The following WNT7B variants were observed in gnomAD, a reference collection of about 807,000 sequenced individuals.
WNT7B encodes the protein Wnt family member 7B.
Under a neutral mutation model 38.2 loss-of-function variants are expected in WNT7B, and 19 were observed. That is an observed-to-expected ratio of 0.50 (90% CI 0.35 to 0.73). WNT7B has a LOEUF of 0.73. Ranked by LOEUF, WNT7B falls within the 30% of genes least tolerant of loss-of-function variation. The pLI is 0.01. For synonymous variants in WNT7B, 243 were observed against 209.3 expected (o/e 1.16, Z -1.39); for missense variants, 423 against 507.9 (o/e 0.83, Z 1.61).
chr22:45,947,611 G>A (rs1931827769), intron 2 of WNT7B, among the ~76,000 whole-genome samples: 1 of 152,184 alleles, frequency 6.6e-6, no homozygotes, highest in Non-Finnish European at 1.5e-5. Flanking sequence ...GCACCTGGAG[G>A]AGCTGCCACT....
intron 1 of WNT7B, among the ~76,000 whole-genome samples, chr22:45,953,046 A>G (rs1931970841): frequency 6.6e-6 from 1 of 152,162 alleles, no homozygotes; most frequent in African/African-American, 2.4e-5. Context: ...CAAGCTCCTG[A>G]TTCCCTGGCA....
In WNT7B at chr22:45,931,175, G is replaced by T. The variant is rs770389705; in HGVS notation, c.493C>A (p.Arg165Ser). The change falls in exon 3 of 4, where the codon CGC (arginine) becomes AGC (serine). Residue 165 changes from arginine to serine, a missense_variant. By Grantham distance (110) the Arg-to-Ser change is moderately radical. Around this residue, in one of 3 missense-constraint regions of WNT7B, gnomAD observed 132 missense variants for 113.4 expected, o/e 1.16. Transcript: ENST00000339464. ...TTGATCTCCCGAGCGTCCACGAAGC[G>T]CCGGGAGAAGTCGATGCCGTAACGC... ...DVRYGIDFSR[R>S]FVDAREIKKN... The T allele has an allele frequency of 6.3e-7, 1 of 1,599,562 alleles. No individual in the cohort carries two copies. The highest frequency in any genetic ancestry group is 1.1e-5 in the South Asian group (1 of 91,054).
intron 1 of WNT7B, among the ~76,000 whole-genome samples, chr22:45,964,872 T>C (rs1301280728): frequency 4.6e-5 from 7 of 152,202 alleles, no homozygotes; most frequent in African/African-American, 1.2e-4. Context: ...TGCCACCAGA[T>C]GGTCCTACAG....
Position 45,949,921 on chromosome 22 carries a change from T to C in WNT7B, c.297A>G (p.Val99=), listed in dbSNP as rs1324989863. 1 of 1,605,642 alleles carries C rather than the reference T, an allele frequency of 6.2e-7. No homozygotes were observed. The highest frequency in any genetic ancestry group is 8.5e-7 in the Non-Finnish European group (1 of 1,173,678). ...CCTTGAGCCCAGAGGCGCCCTTACC[T>C]ACTCGGAGCTCTTGCCCGAAGACGG... ...EKTVFGQELR[V]GSREAAFTYA... The change falls in exon 2 of 4, where the codon GTA becomes GTG. Residue 99 remains valine, a splice_region_variant and synonymous_variant. Coordinates refer to ENST00000339464, the MANE Select transcript of WNT7B (RefSeq NM_058238.3).
chr22:45,957,947 C>G (rs549014938), intron 1 of WNT7B, among the ~76,000 whole-genome samples: 5 of 152,334 alleles, frequency 3.3e-5, no homozygotes, highest in African/African-American at 1.2e-4. Context: ...AGGCCCTCAG[C>G]CTCTCTGGAC....
At chr22:45,947,108 G>C (rs9778246) in intron 2 of WNT7B, among the ~76,000 whole-genome samples, 1 of 152,166 alleles carries the variant, frequency 6.6e-6, no homozygotes, top group East Asian at 1.9e-4. Flanking sequence ...ATGACTCCCC[G>C]CAGCTGAGCC....
chr22:45,949,678 G>A (rs1261041499), intron 2 of WNT7B, among the ~76,000 whole-genome samples: 1 of 152,220 alleles, frequency 6.6e-6, no homozygotes, highest in Non-Finnish European at 1.5e-5. Flanking sequence ...ATGTCCTCCA[G>A]CCCCGAGCAA....
At chr22:45,950,186 GC>G in intron 1 of WNT7B, 40 bp from the exon 2 acceptor site, 1 of 1,564,358 alleles carries the variant, frequency 6.4e-7, no homozygotes, top group Non-Finnish European at 8.7e-7. Context: ...GACGGCGGCG[GC>G]CAGCGCCCCT....
intron 2 of WNT7B, among the ~76,000 whole-genome samples, chr22:45,943,062 A>T (rs1161409420): frequency 6.8e-6 from 1 of 146,928 alleles, no homozygotes; most frequent in Non-Finnish European, 1.5e-5. Flanking sequence ...ATGTGTGTGC[A>T]GTGTGCACAT....
rs918661119 is a variant in WNT7B, at chr22:45,966,355, C to G, written c.71+10329G>C. On this transcript the variant is annotated intron_variant, in intron 1 of 3. Coordinates refer to ENST00000339464, the MANE Select transcript of WNT7B (RefSeq NM_058238.3). This position sits in a 1 kb window ranked among gnomAD's most constrained non-coding sequence, Gnocchi z 4.2. ...CCTCCTCACCCTGGCCACGCCAATACCCACTGCGCGGAGGCCAGCTGAGAC... is the reference window on the plus strand; with the variant it reads ...CCTCCTCACCCTGGCCACGCCAATAGCCACTGCGCGGAGGCCAGCTGAGAC... Among the ~76,000 whole-genome samples the G allele has an allele frequency of 6.6e-6, 1 of 151,658 alleles. No homozygotes were observed. Among genetic ancestry groups the G allele is most frequent in the Non-Finnish European group, 1.5e-5 (1 of 68,012 alleles).
intron 2 of WNT7B, among the ~76,000 whole-genome samples, chr22:45,935,351 C>T (rs533553185): frequency 6.6e-6 from 1 of 152,350 alleles, no homozygotes; most frequent in South Asian, 2.1e-4. Flanking sequence ...GCTCCTCGCC[C>T]ACCACTGCCT....
chr22:45,944,885 A>G (rs10448578), intron 2 of WNT7B, among the ~76,000 whole-genome samples: 28,002 of 151,934 alleles, frequency 0.18, 2,756 homozygotes, highest in Middle Eastern at 0.3. Context: ...CCCACCCCAC[A>G]CTGGAGGACA....
intron 2 of WNT7B, among the ~76,000 whole-genome samples, chr22:45,934,341 CCTGTGGACAGT>C (rs1418405356): frequency 6.6e-6 from 1 of 152,160 alleles, no homozygotes; most frequent in Admixed American, 6.5e-5. Flanking sequence ...GAAGATGCTG[CCTGTGGACAGT>C]CTGTGGACCT....
At chr22:45,970,795 G>A (rs368375966) in intron 1 of WNT7B, among the ~76,000 whole-genome samples, 48 of 152,330 alleles carry the variant, frequency 3.2e-4, no homozygotes, top group African/African-American at 1.1e-3. Flanking sequence ...GACACCAGAA[G>A]CAGGACCCAG....
rs576656136 is a variant in WNT7B at position 45,920,953 on chromosome 22, G to T, written c.*1903C>A. The T allele has an allele frequency of 6.6e-6, 1 of 152,268 alleles. No individual in the cohort carries two copies. Among genetic ancestry groups the T allele is most frequent in the Admixed American group, 6.5e-5 (1 of 15,274 alleles). The allele number at this position is 152,268 out of a possible 1,614,324, so 9.4% of individuals were successfully genotyped here. ...GGGGATGGGGCCAGGCTGAGGGTGG[G>T]GCATTCACGGTGGCCCGGAGACTCA... is the stretch of plus-strand genomic sequence containing the variant. On this transcript the variant is annotated 3_prime_UTR_variant, in exon 4 of 4. Transcript: ENST00000339464.
intron 1 of WNT7B, among the ~76,000 whole-genome samples, chr22:45,953,920 G>C (rs1363921133): frequency 6.6e-6 from 1 of 152,150 alleles, no homozygotes; most frequent in Non-Finnish European, 1.5e-5. Flanking sequence ...AGATTCAAAT[G>C]AACCGAAGAC....
chr22:45,931,406 G>T (rs748305634), intron 2 of WNT7B, 37 bp from the exon 3 acceptor site: 1 of 1,541,264 alleles, frequency 6.5e-7, no homozygotes, highest in South Asian at 1.2e-5. Context: ...TGAGACCCCA[G>T]GCCCTGGGCC....
chr22:45,930,621 C>T (rs1931313662), intron 3 of WNT7B, among the ~76,000 whole-genome samples: 1 of 152,216 alleles, frequency 6.6e-6, no homozygotes, highest in Non-Finnish European at 1.5e-5. Flanking sequence ...CCAGCAGCCC[C>T]CGGCTCACAG....
At position 45,975,211 on chromosome 22, in the gene WNT7B, TG is replaced by T. The variant is rs1470260211; in HGVS notation, c.71+1472del. On this transcript the variant is annotated intron_variant, in intron 1 of 3. Coordinates refer to ENST00000339464, the MANE Select transcript of WNT7B (RefSeq NM_058238.3). The surrounding 1 kb of genome is among the most constrained non-coding windows in gnomAD (Gnocchi z 6.6). The stretch of plus-strand genomic sequence containing the variant: ...GCCAGGAGGGGGAAGGCCTCAGCGC[TG>T]AGAATCAGGCTGCAGGGACAAAGCC... Among the ~76,000 whole-genome samples the T allele has an allele frequency of 6.6e-6, 1 of 152,122 alleles. No homozygotes were observed. Among genetic ancestry groups the T allele is most frequent in the Non-Finnish European group, 1.5e-5 (1 of 68,008 alleles).
Sources: gnomAD v4.1 joint callset for allele counts (sites outside exome capture counted in the v4.1 genomes callset) on GRCh38, gnomAD v4.1.1 for gene constraint, gnomAD v4.1.1 regional missense constraint, Gnocchi (gnomAD v3.1) non-coding constraint, MANE v1.5 for transcripts, NCBI Gene and HGNC (gene_info 2026-07-23, HGNC 2026-07-21) for gene names.